NIPBL: variants seen among roughly 807,000 people sequenced by gnomAD.
NIPBL encodes the protein NIPBL cohesin loading factor.
In NIPBL, 19 loss-of-function variants were observed where a neutral mutation model predicts 321.8. The observed-to-expected ratio is 0.06, with a 90% CI of 0.04 to 0.09. The LOEUF (loss-of-function observed/expected upper bound fraction) is 0.09, where lower values mean the gene tolerates loss of function less well. Among genes scored for constraint, NIPBL ranks in the 10% least tolerant of loss-of-function variants. The pLI, the probability that NIPBL is intolerant of heterozygous loss-of-function variation, is 1.00. For missense variants in NIPBL, 2,210 were observed against 3,327.0 expected, an observed-to-expected ratio of 0.66 and a Z score of 8.26; for synonymous variants, 1,106 against 1,114.1, an observed-to-expected ratio of 0.99 and a Z score of 0.14.
chr5:36,948,004 ATTC>A (rs752378156), intron 1 of NIPBL, among the ~76,000 whole-genome samples: 29 of 151,974 alleles, frequency 1.9e-4, no homozygotes, highest in South Asian at 6.2e-4. Context: ...AATCTTTGCC[ATTC>A]TTCTTTATTT....
chr5:37,058,911 G>C lies in NIPBL; in HGVS notation c.7431G>C (p.Arg2477Ser). 6.2e-7 allele frequency: 1 copy of C among 1,613,968 alleles called. No individual in the cohort carries two copies. The highest frequency in any genetic ancestry group is 1.1e-5 in the South Asian group (1 of 91,066). ...TTCAGTCTATGGTAAAGGACAAAAG[G>C]AAAGAGAGAAAATCATCACCTAGTA... is the stretch of plus-strand genomic sequence containing the variant. ...SFKESMVKDK[R>S]KERKSSPSKE... is the part of the protein sequence containing the mutation. Residue 2477 changes from arginine to serine, a missense_variant, in exon 44 of 47, where the codon AGG becomes AGC. Arg to Ser is a moderately radical substitution (Grantham distance 110). This residue lies in a region of NIPBL where 79 missense variants were observed against 90.8 expected (regional missense o/e 0.87). Transcript: ENST00000282516.
At chr5:36,939,559 T>C (rs1364802602) in intron 1 of NIPBL, among the ~76,000 whole-genome samples, 1 of 152,240 alleles carries the variant, frequency 6.6e-6, no homozygotes, top group East Asian at 1.9e-4. Context: ...GGACATTTGT[T>C]TCCAGCTTTT....
At chr5:37,059,794 G>A (rs952320398) in intron 44 of NIPBL, among the ~76,000 whole-genome samples, 1 of 152,148 alleles carries the variant, frequency 6.6e-6, no homozygotes, top group Non-Finnish European at 1.5e-5. Context: ...AGTAACAGAT[G>A]TAAACCAACT....
At chr5:37,042,922 C>T (rs1324911166) in intron 34 of NIPBL, among the ~76,000 whole-genome samples, 1 of 151,046 alleles carries the variant, frequency 6.6e-6, no homozygotes, top group Non-Finnish European at 1.5e-5. Context: ...CACACACACA[C>T]ATATAACTTT....
At chr5:37,043,145 C>A (rs1342463818) in intron 34 of NIPBL, among the ~76,000 whole-genome samples, 2 of 152,082 alleles carry the variant, frequency 1.3e-5, no homozygotes, top group Non-Finnish European at 2.9e-5. Flanking sequence ...CCTGTAATCC[C>A]AGTACTTTGG....
intron 32 of NIPBL, among the ~76,000 whole-genome samples, chr5:37,028,122 C>T (rs1197586232): frequency 6.6e-6 from 1 of 151,710 alleles, no homozygotes; most frequent in Non-Finnish European, 1.5e-5. Flanking sequence ...AGAGTCAAAC[C>T]ACAACTAGTG....
chr5:36,892,793 T>TG (rs1746442695), intron 1 of NIPBL, among the ~76,000 whole-genome samples: 2 of 143,586 alleles, frequency 1.4e-5, no homozygotes, highest in African/African-American at 5.2e-5. Context: ...TGTTGTGGGG[T>TG]GGGGGGAGTG....
At chr5:37,016,911 A>G in intron 23 of NIPBL, 108 bp from the exon 24 acceptor site, 1 of 863,992 alleles carries the variant, frequency 1.2e-6, no homozygotes, top group Non-Finnish European at 1.7e-6. Context: ...GAAAAAAAAA[A>G]GTTTAAATTT....
chr5:36,903,656 CTT>C (rs1258712069), intron 1 of NIPBL, among the ~76,000 whole-genome samples: 1 of 152,052 alleles, frequency 6.6e-6, no homozygotes, highest in Non-Finnish European at 1.5e-5. Flanking sequence ...TAAAAATAGA[CTT>C]GTAGATAAAT....
intron 1 of NIPBL, among the ~76,000 whole-genome samples, chr5:36,946,643 C>T (rs1304377616): frequency 6.6e-6 from 1 of 151,542 alleles, no homozygotes; most frequent in South Asian, 2.1e-4. Flanking sequence ...TCCCCCACCA[C>T]CAAAAAAATT....
At chr5:36,973,388 T>G (rs1323933743) in intron 8 of NIPBL, among the ~76,000 whole-genome samples, 1 of 152,096 alleles carries the variant, frequency 6.6e-6, no homozygotes, top group Non-Finnish European at 1.5e-5. Context: ...GGGATACATG[T>G]GCAGAATGTG....
chr5:36,978,873 A>G (rs1276574570), intron 9 of NIPBL, among the ~76,000 whole-genome samples: 2 of 151,310 alleles, frequency 1.3e-5, no homozygotes, highest in Non-Finnish European at 1.5e-5. Flanking sequence ...ATTTTTGTCA[A>G]CTTTGTTGGA....
At chr5:37,064,146 A>G in intron 46 of NIPBL, 168 bp downstream of exon 46, 1 of 1,433,266 alleles carries the variant, frequency 7.0e-7, no homozygotes, top group East Asian at 2.5e-5. Flanking sequence ...ATCCTTTTGT[A>G]GAAAGTTTAA....
intron 9 of NIPBL, chr5:36,982,242 C>CTTT: frequency 1.0e-6 from 1 of 976,524 alleles, no homozygotes; most frequent in Non-Finnish European, 1.2e-6. Context: ...GTCCTAAATA[C>CTTT]CAAAATGATT....
At chr5:37,006,208 A>C in intron 16 of NIPBL, 149 bp from the exon 17 acceptor site, 1 of 633,860 alleles carries the variant, frequency 1.6e-6, no homozygotes, top group Non-Finnish European at 2.8e-6. Flanking sequence ...AAGTAGTATC[A>C]GTATTTGTAC....
intron 40 of NIPBL, 58 bp from the exon 41 acceptor site, chr5:37,051,721 G>A: frequency 8.4e-7 from 1 of 1,197,200 alleles, no homozygotes; most frequent in Non-Finnish European, 1.2e-6. Context: ...TTTGACATAT[G>A]TCTAAATAGA....
intron 16 of NIPBL, among the ~76,000 whole-genome samples, chr5:37,003,971 C>A (rs1747119860): frequency 6.6e-6 from 1 of 152,096 alleles, no homozygotes; most frequent in South Asian, 2.1e-4. Flanking sequence ...GGTAGTAATT[C>A]TTTTTGTTGA....
intron 42 of NIPBL, among the ~76,000 whole-genome samples, chr5:37,053,091 G>A (rs1753741638): frequency 6.6e-6 from 1 of 152,160 alleles, no homozygotes; most frequent in Non-Finnish European, 1.5e-5. Context: ...TATATATACA[G>A]TCATGCATCA....
chr5:37,005,089 C>T (rs116189913), intron 16 of NIPBL, among the ~76,000 whole-genome samples: 139 of 152,220 alleles, frequency 9.1e-4, no homozygotes, highest in African/African-American at 3.2e-3. Flanking sequence ...TTTCTTTTTA[C>T]GCTCATCAGC....
Sources: gnomAD v4.1 joint callset for allele counts (sites outside exome capture counted in the v4.1 genomes callset) on GRCh38, gnomAD v4.1.1 for gene constraint, gnomAD v4.1.1 regional missense constraint, MANE v1.5 for transcripts, NCBI Gene and HGNC (gene_info 2026-07-23, HGNC 2026-07-21) for gene names.